PCDHGA9: variants seen among roughly 807,000 people sequenced by gnomAD.
PCDHGA9 encodes the protein protocadherin gamma subfamily A, 9.
PCDHGA9 carries 37 observed loss-of-function variants against 62.5 expected under a neutral mutation model. That is an observed-to-expected ratio of 0.59 (90% CI 0.46 to 0.78). The LOEUF is 0.78. Among genes scored for constraint, PCDHGA9 ranks in the 30% least tolerant of loss-of-function variants. PCDHGA9 has a pLI of 0.00. For missense variants in PCDHGA9, 1,138 were observed against 1,166.2 expected (o/e 0.98, Z 0.35); for synonymous variants, 459 against 484.6 (o/e 0.95, Z 0.69).
Position 141,431,420 on chromosome 5 carries a change from G to C in PCDHGA9, c.2424+26044G>C, listed in dbSNP as rs780266425. The C allele has an allele frequency of 8.1e-6, 13 of 1,613,592 alleles. No individual in the cohort carries two copies. Among genetic ancestry groups the C allele is most frequent in the East Asian group, 2.2e-5 (1 of 44,902 alleles). ...TACGGCCTCCGACGGGGGCGACCCG[G>C]TGCGCACAGGCACCGCGCGCATCCG... is the stretch of plus-strand genomic sequence containing the variant. On this transcript the variant is annotated intron_variant, in intron 1 of 3. Transcript: ENST00000573521. This position sits in a 1 kb window ranked among gnomAD's most constrained non-coding sequence, Gnocchi z 4.8.
At chr5:141,415,468 G>A (rs762272586) in intron 1 of PCDHGA9, 8 of 1,614,070 alleles carry the variant, frequency 5.0e-6, no homozygotes, top group East Asian at 2.2e-5. Context: ...CTCTCTCACC[G>A]CGGACTCGCG....
Position 141,470,128 on chromosome 5 carries a change from CA to C in PCDHGA9, c.2425-24670del, listed in dbSNP as rs200356364. Among the ~76,000 whole-genome samples, 62 of 150,148 alleles carry C rather than the reference CA, an allele frequency of 4.1e-4. 1 individual carries two copies. Among genetic ancestry groups the C allele is most frequent in the Middle Eastern group, 3.4e-3 (1 of 294 alleles). On this transcript the variant is annotated intron_variant, in intron 1 of 3. Coordinates refer to ENST00000573521, the MANE Select transcript of PCDHGA9 (RefSeq NM_018921.3). ...TGAGCAACAGAGCAAGACTTCGTCTCAAAAAAAAAGATCATAGATCATCTTA... is the reference window on the plus strand; with the variant it reads ...TGAGCAACAGAGCAAGACTTCGTCTCAAAAAAAAGATCATAGATCATCTTA...
chr5:141,497,796 TC>T (rs1251163385), intron 2 of PCDHGA9, among the ~76,000 whole-genome samples: 2 of 152,160 alleles, frequency 1.3e-5, no homozygotes, highest in African/African-American at 2.4e-5. Context: ...TGCTTCAGCT[TC>T]CCAAAGTGCT....
chr5:141,424,061 CTGATT>C, intron 1 of PCDHGA9: 1 of 1,003,194 alleles, frequency 1.0e-6, no homozygotes, highest in Non-Finnish European at 1.2e-6. Flanking sequence ...TGTGCCTTCA[CTGATT>C]TGTAGTTATA....
At position 141,485,221 on chromosome 5, in the gene PCDHGA9, C is replaced by A; in HGVS notation, c.2425-9586C>A. 4 of 1,614,118 alleles carry A rather than the reference C, an allele frequency of 2.5e-6. No individual in the cohort carries two copies. The highest frequency in any genetic ancestry group is 2.2e-5 in the East Asian group (1 of 44,868). ...GGACAGAAATCTGGCGGTGGGCTAC[C>A]CTTTTGTTCCTCTTTTACCACCTGG... On this transcript the variant is annotated intron_variant, in intron 1 of 3. Coordinates refer to ENST00000573521, the MANE Select transcript of PCDHGA9 (RefSeq NM_018921.3). The surrounding 1 kb of genome is among the most constrained non-coding windows in gnomAD (Gnocchi z 5.7).
chr5:141,419,905 T>G (rs916259620), intron 1 of PCDHGA9: 23 of 1,613,978 alleles, frequency 1.4e-5, no homozygotes, highest in Non-Finnish European at 1.9e-5. Context: ...CCACACCCTC[T>G]GACTCCCAGG....
intron 1 of PCDHGA9, chr5:141,430,886 T>C: frequency 6.2e-7 from 1 of 1,605,190 alleles, no homozygotes; most frequent in Non-Finnish European, 8.5e-7. Context: ...GGAGAAAGGC[T>C]CTAGGGTGGG....
At chr5:141,427,721 A>C (rs904969652) in intron 1 of PCDHGA9, 3 of 1,110,498 alleles carry the variant, frequency 2.7e-6, no homozygotes, top group Non-Finnish European at 4.0e-6. Context: ...ACCTGGACCT[A>C]GGGCTGAATG....
At chr5:141,472,369 G>A (rs1194465676) in intron 1 of PCDHGA9, among the ~76,000 whole-genome samples, 2 of 151,770 alleles carry the variant, frequency 1.3e-5, no homozygotes, top group Admixed American at 6.6e-5. Flanking sequence ...GTGAAACCCC[G>A]TCTCCACTAA....
Position 141,511,208 on chromosome 5 carries a change from C to T in PCDHGA9, c.*35C>T, listed in dbSNP as rs1278180818. 27 of 1,610,922 alleles carry T rather than the reference C, an allele frequency of 1.7e-5. No individual in the cohort carries two copies. Among genetic ancestry groups the T allele is most frequent in the Non-Finnish European group, 2.3e-5 (27 of 1,178,572 alleles). ...CAGGCCAAGAGCCACAGGGCGGCCT[C>T]TCCCCAACCAGCCCAGCTTCTCCTT... On this transcript the variant is annotated 3_prime_UTR_variant, in exon 4 of 4. Coordinates refer to ENST00000573521, the MANE Select transcript of PCDHGA9 (RefSeq NM_018921.3).
At position 141,404,917 on chromosome 5, in the gene PCDHGA9, G is replaced by C; in HGVS notation, c.1965G>C (p.Ser655=). ...AGGACCATGGCCAGCCCCCTCTCTC[G>C]GCCACTGTCACGCTCACAGTAGCCA... The part of the protein sequence containing the change: ...AVQDHGQPPL[S]ATVTLTVAIA... The change falls in exon 1 of 4, where the codon TCG becomes TCC. Residue 655 remains serine (S), a synonymous_variant. Coordinates refer to ENST00000573521, the MANE Select transcript of PCDHGA9 (RefSeq NM_018921.3). 6.2e-7 allele frequency: 1 copy of C among 1,613,772 alleles called. No individual in the cohort carries two copies. The highest frequency in any genetic ancestry group is 8.5e-7 in the Non-Finnish European group (1 of 1,179,848).
chr5:141,485,814 CT>C lies in PCDHGA9; in HGVS notation c.2425-8992del, dbSNP rs2099619658. On this transcript the variant is annotated intron_variant, in intron 1 of 3. Transcript: ENST00000573521. The surrounding 1 kb of genome is among the most constrained non-coding windows in gnomAD (Gnocchi z 5.7). ...TCGGACTACCGCCTGGTGCTGACTGCTGTCGATGGAGGGAACCCGCCGAGAT... is the reference window on the plus strand; with the variant it reads ...TCGGACTACCGCCTGGTGCTGACTGCGTCGATGGAGGGAACCCGCCGAGAT... The C allele has an allele frequency of 6.2e-7, 1 of 1,613,864 alleles. No individual in the cohort carries two copies. Among genetic ancestry groups the C allele is most frequent in the Non-Finnish European group, 8.5e-7 (1 of 1,179,990 alleles).
chr5:141,423,415 G>GA (rs750028507), intron 1 of PCDHGA9: 3 of 1,614,134 alleles, frequency 1.9e-6, no homozygotes, highest in Non-Finnish European at 2.5e-6. Context: ...GCAGGCTTCT[G>GA]AAGGCGGGTT....
intron 3 of PCDHGA9, among the ~76,000 whole-genome samples, chr5:141,507,777 CT>C (rs1213538221): frequency 6.6e-6 from 1 of 152,220 alleles, no homozygotes; most frequent in Admixed American, 6.5e-5. Context: ...CACACAGGGC[CT>C]GACCCTCGTC....
chr5:141,454,857 G>C (rs1365819097), intron 1 of PCDHGA9, among the ~76,000 whole-genome samples: 2 of 131,566 alleles, frequency 1.5e-5, no homozygotes, highest in African/African-American at 6.0e-5. Context: ...ACCCAGGCTG[G>C]AGTGCAGTGG....
At position 141,404,686 on chromosome 5, in the gene PCDHGA9, A is replaced by G. The variant is rs1281158377; in HGVS notation, c.1734A>G (p.Ala578=). The change falls in exon 1 of 4, where the codon GCA becomes GCG. Residue 578 remains alanine, a synonymous_variant. Transcript: ENST00000573521. ...ATGGTTCTACTGGTGTGGAGCTGGC[A>G]CCCCGCTCTGCAGAGCCTGGCTACC... ...PTDGSTGVEL[A]PRSAEPGYLV... is the part of the protein sequence containing the mutation. 4 of 1,613,710 alleles carry G rather than the reference A, an allele frequency of 2.5e-6. No individual in the cohort carries two copies. In the African/African-American group the frequency reaches 5.3e-5, roughly 22 times the overall value.
At chr5:141,495,013 T>C (rs2099758300) in intron 2 of PCDHGA9, 148 bp downstream of exon 2, 12 of 1,511,014 alleles carry the variant, frequency 7.9e-6, no homozygotes, top group Non-Finnish European at 1.1e-5. Context: ...TGCGGGGGGC[T>C]GGCACACAGA....
intron 1 of PCDHGA9, among the ~76,000 whole-genome samples, chr5:141,479,129 C>T (rs2099488562): frequency 6.6e-6 from 1 of 152,154 alleles, no homozygotes; most frequent in South Asian, 2.1e-4. Context: ...AAATGATGTG[C>T]ACCCTGCTTA....
At chr5:141,465,488 G>A (rs2099104080) in intron 1 of PCDHGA9, among the ~76,000 whole-genome samples, 1 of 152,224 alleles carries the variant, frequency 6.6e-6, no homozygotes. Flanking sequence ...AGAGGAATGA[G>A]CGGGAGCATT....
Sources: allele counts gnomAD v4.1 joint callset (sites outside exome capture counted in the v4.1 genomes callset), GRCh38; gene constraint gnomAD v4.1.1; non-coding constraint Gnocchi (gnomAD v3.1); transcripts MANE v1.5; gene names NCBI Gene and HGNC (gene_info 2026-07-23, HGNC 2026-07-21).